The following TBL1XR1 variants were observed in gnomAD, a reference collection of about 807,000 sequenced individuals.
TBL1XR1 encodes the protein F-box-like/WD repeat-containing protein TBL1XR1.
Under a neutral mutation model 66.9 loss-of-function variants are expected in TBL1XR1, and 5 were observed. The ratio of observed to expected loss-of-function variants is 0.07; its 90% CI spans 0.04 to 0.16. TBL1XR1 has a LOEUF of 0.16. Among genes scored for constraint, TBL1XR1 ranks in the 10% least tolerant of loss-of-function variants. The pLI is 1.00. For synonymous variants in TBL1XR1, 210 were observed against 206.0 expected (o/e 1.02, Z -0.17); for missense variants, 238 against 623.2 (o/e 0.38, Z 6.58).
chr3:177,084,990 G>T (rs1293863779), intron 2 of TBL1XR1, among the ~76,000 whole-genome samples: 1 of 152,198 alleles, frequency 6.6e-6, no homozygotes, highest in Non-Finnish European at 1.5e-5. Flanking sequence ...GTTCAACACT[G>T]TAATTGGCCT....
At chr3:177,140,525 C>T (rs1729512102) in intron 1 of TBL1XR1, among the ~76,000 whole-genome samples, 1 of 152,096 alleles carries the variant, frequency 6.6e-6, no homozygotes, top group Non-Finnish European at 1.5e-5. Flanking sequence ...CATTTTCAGA[C>T]ATTCAAGAAC....
chr3:177,026,506 C>T (rs1043243181), intron 14 of TBL1XR1, 32 bp from the exon 15 acceptor site: 5 of 1,457,264 alleles, frequency 3.4e-6, no homozygotes, highest in African/African-American at 1.4e-5. Context: ...TCTTAAAAAT[C>T]GTAATACATA....
chr3:177,076,012 GT>G (rs1318255378), intron 2 of TBL1XR1, among the ~76,000 whole-genome samples: 1 of 152,180 alleles, frequency 6.6e-6, no homozygotes, highest in Non-Finnish European at 1.5e-5. Context: ...TTAGACGGAA[GT>G]TTTTTCTCAC....
At chr3:177,076,120 C>G (rs769886438) in intron 2 of TBL1XR1, among the ~76,000 whole-genome samples, 1 of 152,208 alleles carries the variant, frequency 6.6e-6, no homozygotes, top group Non-Finnish European at 1.5e-5. Context: ...TGGCCATGTC[C>G]TCCTCATACT....
chr3:177,083,683 TTTG>T (rs1209423762), intron 2 of TBL1XR1, among the ~76,000 whole-genome samples: 6 of 152,222 alleles, frequency 3.9e-5, no homozygotes, highest in African/African-American at 9.6e-5. Context: ...TTTCCTCATA[TTTG>T]TTGTTAATAC....
Position 177,069,777 on chromosome 3 carries a change from G to C in TBL1XR1, c.-45-4755C>G, listed in dbSNP as rs1173564262. ...AAGGAAAGGAAAGAAAGGAAGGAAA[G>C]GAAGGAAAAGGAAGGAAAGGAAGGA... On this transcript the variant is annotated intron_variant, in intron 2 of 15. Transcript: ENST00000457928. 2.2e-5 allele frequency among the ~76,000 whole-genome samples: 2 copies of C among 92,390 alleles called. 1 individual carries two copies. Among genetic ancestry groups the C allele is most frequent in the Non-Finnish European group, 4.2e-5 (2 of 47,362 alleles). The allele number at this position is 92,390 out of a possible 152,430, so 60.6% of individuals were successfully genotyped here.
intron 1 of TBL1XR1, among the ~76,000 whole-genome samples, chr3:177,168,398 C>CT (rs1733083864): frequency 2.6e-5 from 4 of 152,086 alleles, no homozygotes; most frequent in South Asian, 4.1e-4. Flanking sequence ...TCTCCTGCCT[C>CT]AGCCTTCTGA....
chr3:177,069,258 A>G (rs1055831606), intron 2 of TBL1XR1, among the ~76,000 whole-genome samples: 5 of 152,210 alleles, frequency 3.3e-5, no homozygotes, highest in Admixed American at 2.6e-4. Flanking sequence ...GCATTTTTAT[A>G]GGCCTAAAAA....
intron 3 of TBL1XR1, among the ~76,000 whole-genome samples, chr3:177,064,286 C>A (rs1423852056): frequency 1.3e-5 from 2 of 152,158 alleles, no homozygotes; most frequent in African/African-American, 4.8e-5. Flanking sequence ...TATACCTCCA[C>A]CCATACCCAA....
chr3:177,028,504 T>C (rs569814092), intron 14 of TBL1XR1, among the ~76,000 whole-genome samples: 3 of 152,192 alleles, frequency 2.0e-5, no homozygotes, highest in Non-Finnish European at 4.4e-5. Flanking sequence ...AAAAGGAATG[T>C]ATTTTTTAAA....
At chr3:177,085,015 C>T (rs999592361) in intron 2 of TBL1XR1, among the ~76,000 whole-genome samples, 12 of 152,090 alleles carry the variant, frequency 7.9e-5, no homozygotes, top group African/African-American at 2.7e-4. Flanking sequence ...TTTTGGTGTT[C>T]CCCCCAACTT....
chr3:177,173,458 C>G (rs1422267647), intron 1 of TBL1XR1, among the ~76,000 whole-genome samples: 1 of 151,830 alleles, frequency 6.6e-6, no homozygotes, highest in Non-Finnish European at 1.5e-5. Flanking sequence ...TAAGTGTCCC[C>G]TGTTTGATAT....
intron 4 of TBL1XR1, among the ~76,000 whole-genome samples, chr3:177,053,534 C>A (rs1717391046): frequency 6.6e-6 from 1 of 152,150 alleles, no homozygotes; most frequent in South Asian, 2.1e-4. Flanking sequence ...AATAAAAATT[C>A]TTTATTAGTG....
At chr3:177,082,738 T>TTATATATATATACATATATA (rs1553832291) in intron 2 of TBL1XR1, among the ~76,000 whole-genome samples, 4 of 63,234 alleles carry the variant, frequency 6.3e-5, no homozygotes, top group African/African-American at 2.5e-4. Context: ...AAGATAGAGA[T>TTATATATATATACATATATA]TATATATATA....
At chr3:177,151,774 A>G (rs1193739463) in intron 1 of TBL1XR1, among the ~76,000 whole-genome samples, 1 of 152,150 alleles carries the variant, frequency 6.6e-6, no homozygotes, top group African/African-American at 2.4e-5. Flanking sequence ...GGTGGCTCAC[A>G]CCTGTAATCC....
At chr3:177,156,914 C>T (rs570665661) in intron 1 of TBL1XR1, among the ~76,000 whole-genome samples, 2 of 152,316 alleles carry the variant, frequency 1.3e-5, no homozygotes, top group Non-Finnish European at 2.9e-5. Context: ...GTATGTATCA[C>T]TTTCTACTCT....
At chr3:177,069,811 A>AGGAAGGAG in intron 2 of TBL1XR1, among the ~76,000 whole-genome samples, 1 of 132,648 alleles carries the variant, frequency 7.5e-6, no homozygotes. Flanking sequence ...GAAGGAAGGA[A>AGGAAGGAG]GGAAGGAAGG....
At chr3:177,081,173 G>A (rs1390373157) in intron 2 of TBL1XR1, among the ~76,000 whole-genome samples, 1 of 152,086 alleles carries the variant, frequency 6.6e-6, no homozygotes, top group African/African-American at 2.4e-5. Context: ...CTCCTAATAC[G>A]ACATTCAGAA....
chr3:177,181,760 C>G (rs1560272362), intron 1 of TBL1XR1, among the ~76,000 whole-genome samples: 1 of 144,258 alleles, frequency 6.9e-6, no homozygotes, highest in Non-Finnish European at 1.5e-5. Flanking sequence ...GACCATGAAT[C>G]AGAAAAAAAG....
Sources: gnomAD v4.1 joint callset for allele counts (sites outside exome capture counted in the v4.1 genomes callset) on GRCh38, gnomAD v4.1.1 for gene constraint, MANE v1.5 for transcripts, NCBI Gene and HGNC (gene_info 2026-07-23, HGNC 2026-07-21) for gene names.